RABGEF1: variants seen among roughly 807,000 people sequenced by gnomAD.
The protein encoded by RABGEF1 is rab5 GDP/GTP exchange factor.
Under a neutral mutation model 57.3 loss-of-function variants are expected in RABGEF1, and 26 were observed. The ratio of observed to expected loss-of-function variants is 0.45; its 90% CI spans 0.33 to 0.63. The LOEUF (loss-of-function observed/expected upper bound fraction) is 0.63, where lower values mean the gene tolerates loss of function less well. Among genes scored for constraint, RABGEF1 ranks in the 20% least tolerant of loss-of-function variants. The pLI is 0.02. For missense variants in RABGEF1, 464 were observed against 607.6 expected, an observed-to-expected ratio of 0.76 and a Z score of 2.48; for synonymous variants, 185 against 210.7, an observed-to-expected ratio of 0.88 and a Z score of 1.06.
At chr7:66,704,168 G>A (rs1455262575) in intron 1 of RABGEF1, among the ~76,000 whole-genome samples, 5 of 152,170 alleles carry the variant, frequency 3.3e-5, no homozygotes, top group African/African-American at 1.2e-4. Flanking sequence ...GGCACAAACT[G>A]TCACCACCAC....
At chr7:66,801,583 C>G (rs1787307387) in intron 7 of RABGEF1, among the ~76,000 whole-genome samples, 1 of 152,174 alleles carries the variant, frequency 6.6e-6, no homozygotes, top group East Asian at 1.9e-4. Context: ...TCTGGTAAAA[C>G]ATCCTTCAGT....
the RABGEF1 span, among the ~76,000 whole-genome samples, chr7:66,669,530 C>T: frequency 1.3e-5 from 2 of 152,178 alleles, no homozygotes; most frequent in Non-Finnish European, 2.9e-5. Context: ...ATTTCATAAT[C>T]AGACCTTTAT....
Position 66,809,175 on chromosome 7 carries a change from AC to A in RABGEF1, c.1370del (p.Pro457HisfsTer11). On this transcript the variant is annotated frameshift_variant, in exon 9 of 9. Transcript: ENST00000284957. LOFTEE classifies it high-confidence loss of function. ...GAAGTTCAAGACATCGTTGAGAAAT[AC>A]CCACTGGAAATTAAGCCTCCGAATC... Reference protein sequence around the residue: ...AREVQDIVEKYPLEIKPPNQP... With the variant: ...AREVQDIVEKXPLEIKPPNQP... The A allele has an allele frequency of 6.2e-7, 1 of 1,614,240 alleles. No individual in the cohort carries two copies. The highest frequency in any genetic ancestry group is 8.5e-7 in the Non-Finnish European group (1 of 1,180,046).
chr7:66,806,151 T>G (rs1227164723), intron 8 of RABGEF1, among the ~76,000 whole-genome samples: 1 of 152,066 alleles, frequency 6.6e-6, no homozygotes, highest in Admixed American at 6.6e-5. Context: ...GGACTTGGTT[T>G]TCTGTGTTGA....
chr7:66,773,591 C>T (rs2129117291), intron 2 of RABGEF1: 2 of 434,116 alleles, frequency 4.6e-6, no homozygotes, highest in Non-Finnish European at 9.2e-6. Flanking sequence ...GACAAGTTGC[C>T]TGGTGATGCT....
intron 2 of RABGEF1, among the ~76,000 whole-genome samples, chr7:66,727,642 G>A (rs1796735507): frequency 6.6e-6 from 1 of 152,242 alleles, no homozygotes; most frequent in Non-Finnish European, 1.5e-5. Flanking sequence ...CCTGTGCAGT[G>A]AGTCGGGAAG....
chr7:66,693,010 A>G (rs537436829), intron 1 of RABGEF1, among the ~76,000 whole-genome samples: 20 of 152,218 alleles, frequency 1.3e-4, no homozygotes, highest in African/African-American at 4.3e-4. Context: ...TCTTTTCTAG[A>G]GGCCCAGGCC....
At chr7:66,720,982 A>G (rs1369399557) in intron 2 of RABGEF1, among the ~76,000 whole-genome samples, 1 of 152,142 alleles carries the variant, frequency 6.6e-6, no homozygotes, top group Non-Finnish European at 1.5e-5. Flanking sequence ...CAGTGGCACA[A>G]TCTTAGCTCA....
Position 66,792,185 on chromosome 7 carries a change from C to A in RABGEF1, c.514-3326C>A, listed in dbSNP as rs116993744. Reference sequence around the variant, plus strand: ...GAGAGTACTTGAGGTAAAGGATTTACTCACTGCTCTACTATCTTTTTTTCT... The same window carrying A: ...GAGAGTACTTGAGGTAAAGGATTTAATCACTGCTCTACTATCTTTTTTTCT... On this transcript the variant is annotated intron_variant, in intron 4 of 8. Coordinates refer to ENST00000284957, the MANE Select transcript of RABGEF1 (RefSeq NM_014504.3). Among the ~76,000 whole-genome samples the A allele has an allele frequency of 2.8e-3, 430 of 151,796 alleles. 17 individuals carry two copies. In the East Asian group the frequency reaches 0.076, roughly 27 times the overall value.
intron 2 of RABGEF1, among the ~76,000 whole-genome samples, chr7:66,715,628 A>G (rs186126429): frequency 1.3e-4 from 20 of 152,310 alleles, no homozygotes; most frequent in African/African-American, 4.6e-4. Context: ...TTAGTGTTCT[A>G]TTATTGACTT....
upstream of RABGEF1, among the ~76,000 whole-genome samples, chr7:66,739,421 A>G (rs1357518812): frequency 1.3e-5 from 2 of 151,130 alleles, no homozygotes; most frequent in Non-Finnish European, 3.0e-5. Context: ...TTGGGAAGCC[A>G]AGGTGGGCGG....
chr7:66,785,587 C>T (rs1810966628), intron 4 of RABGEF1, among the ~76,000 whole-genome samples: 1 of 152,148 alleles, frequency 6.6e-6, no homozygotes, highest in Admixed American at 6.6e-5. Flanking sequence ...ATAAAATAGC[C>T]TTTGTGGCCG....
At chr7:66,678,258 G>A (rs900211229), upstream of RABGEF1, among the ~76,000 whole-genome samples, 1 of 151,978 alleles carries the variant, frequency 6.6e-6, no homozygotes, top group Admixed American at 6.6e-5. Flanking sequence ...AAAATATTTG[G>A]GGAGAAGAGA....
the RABGEF1 span, among the ~76,000 whole-genome samples, chr7:66,677,023 C>T: frequency 1.3e-5 from 2 of 152,280 alleles, no homozygotes; most frequent in South Asian, 4.1e-4. Context: ...GCTTTACCTC[C>T]AGGTTTTCTT....
intron 1 of RABGEF1, among the ~76,000 whole-genome samples, chr7:66,709,500 C>A (rs1794531308): frequency 6.6e-6 from 1 of 151,936 alleles, no homozygotes; most frequent in South Asian, 2.1e-4. Flanking sequence ...AGAAAATATT[C>A]AAATTGAGGC....
chr7:66,768,343 T>G (rs1046178146), intron 1 of RABGEF1, among the ~76,000 whole-genome samples: 5 of 152,238 alleles, frequency 3.3e-5, no homozygotes, highest in Admixed American at 1.3e-4. Flanking sequence ...TCTTCTTTGT[T>G]AAAGTGTCTG....
chr7:66,745,815 G>T (rs551440408), intron 1 of RABGEF1, among the ~76,000 whole-genome samples: 19 of 151,716 alleles, frequency 1.3e-4, no homozygotes, highest in African/African-American at 4.3e-4. Flanking sequence ...AGAGTTTCAG[G>T]CTGGTGCAGT....
intron 7 of RABGEF1, 106 bp from the exon 8 acceptor site, chr7:66,805,034 G>C: frequency 2.3e-6 from 3 of 1,276,800 alleles, no homozygotes; most frequent in Non-Finnish European, 3.3e-6. Flanking sequence ...TGGAAAAGGG[G>C]TTAATAAGGA....
intron 1 of RABGEF1, among the ~76,000 whole-genome samples, chr7:66,751,206 T>G (rs573596098): frequency 2.0e-5 from 3 of 152,294 alleles, no homozygotes; most frequent in East Asian, 1.9e-4. Flanking sequence ...AATTTTTGTA[T>G]TTTTAGTAGA....
Sources: gnomAD v4.1 joint callset for allele counts (sites outside exome capture counted in the v4.1 genomes callset) on GRCh38, gnomAD v4.1.1 for gene constraint, MANE v1.5 for transcripts, NCBI Gene and HGNC (gene_info 2026-07-23, HGNC 2026-07-21) for gene names.